The following ITGAM variants were observed in gnomAD, a reference collection of about 807,000 sequenced individuals.
ITGAM encodes the protein integrin subunit alpha M, also known as integrin alpha-M.
ITGAM carries 79 observed loss-of-function variants against 137.5 expected under a neutral mutation model. That is an observed-to-expected ratio of 0.57 (90% CI 0.48 to 0.69). The LOEUF (loss-of-function observed/expected upper bound fraction) is 0.69. Ranked by LOEUF, ITGAM falls within the 30% of genes least tolerant of loss-of-function variation. ITGAM has a pLI of 0.00. For synonymous variants in ITGAM, 583 were observed against 592.3 expected (o/e 0.98, Z 0.23); for missense variants, 1,343 against 1,483.5 (o/e 0.91, Z 1.56).
chr16:31,271,173 AC>A (rs2079835762), intron 6 of ITGAM, 89 bp downstream of exon 6: 1 of 1,137,974 alleles, frequency 8.8e-7, no homozygotes. Flanking sequence ...TCCCAGTTCA[AC>A]TGCAGACATT....
In ITGAM at chr16:31,271,920, C is replaced by G. The variant is rs747531247; in HGVS notation, c.632C>G (p.Pro211Arg). The change falls in exon 7 of 30, where the codon CCA (proline) becomes CGA (arginine). Residue 211 changes from proline (P) to arginine (R), a missense_variant. Physicochemically the swap from Pro to Arg is moderately radical, Grantham distance 103. Transcript: ENST00000544665. Reference protein sequence around the residue: ...TFKEFQNNPNPRSLVKPITQL... With the variant: ...TFKEFQNNPNRRSLVKPITQL... ...AAAGAGTTCCAGAACAACCCTAACC[C>G]AAGATCACTGGTGAAGCCAATAACG... The G allele has an allele frequency of 2.5e-6, 4 of 1,614,006 alleles. No homozygotes were observed. The highest frequency in any genetic ancestry group is 4.5e-5 in the East Asian group (2 of 44,868).
intron 14 of ITGAM, among the ~76,000 whole-genome samples, chr16:31,318,344 CTT>C (rs34125826): frequency 2.1e-4 from 28 of 131,464 alleles, no homozygotes; most frequent in Non-Finnish European, 2.4e-4. Context: ...CTTGTCAGTT[CTT>C]TTTTTTTTTT....
intron 12 of ITGAM, among the ~76,000 whole-genome samples, chr16:31,295,624 A>T (rs183517556): frequency 4.4e-4 from 66 of 150,134 alleles, no homozygotes; most frequent in Middle Eastern, 7.1e-3. Context: ...AAATATATTT[A>T]TATATATATG....
At chr16:31,313,099 T>A (rs1350571736) in intron 14 of ITGAM, among the ~76,000 whole-genome samples, 1 of 151,914 alleles carries the variant, frequency 6.6e-6, no homozygotes, top group Non-Finnish European at 1.5e-5. Context: ...GTGCCTGTAA[T>A]CCCAGCTACT....
rs2079850545 is a variant in ITGAM, at chr16:31,272,422, A to AAT, written c.704+430_704+431insAT. 3.3e-4 allele frequency among the ~76,000 whole-genome samples: 16 copies of AAT among 48,966 alleles called. 1 individual carries two copies. The highest frequency in any genetic ancestry group is 5.3e-4 in the Non-Finnish European group (14 of 26,480). The allele number at this position is 48,966 out of a possible 152,430, so 32.1% of individuals were successfully genotyped here. ...GGAGAGGTTTCCTGAAGGCCAATTA[A>AAT]CTATATATATATATATATATATATA... is the stretch of plus-strand genomic sequence containing the variant. On this transcript the variant is annotated intron_variant, in intron 7 of 29. Coordinates refer to ENST00000544665, the MANE Select transcript of ITGAM (RefSeq NM_000632.4).
intron 23 of ITGAM, 146 bp from the exon 24 acceptor site, chr16:31,329,082 C>A: frequency 1.7e-6 from 1 of 575,444 alleles, no homozygotes. Context: ...TTCCCCCATC[C>A]CCCTGCACCC....
intron 12 of ITGAM, among the ~76,000 whole-genome samples, chr16:31,293,164 T>C (rs2080103091): frequency 6.6e-6 from 1 of 152,132 alleles, no homozygotes; most frequent in African/African-American, 2.4e-5. Flanking sequence ...ACACCTTTGT[T>C]GGATGCATAG....
At chr16:31,315,294 C>G (rs2080379163) in intron 14 of ITGAM, among the ~76,000 whole-genome samples, 1 of 152,022 alleles carries the variant, frequency 6.6e-6, no homozygotes, top group African/African-American at 2.4e-5. Context: ...TGATGCAATT[C>G]CATTTGTCTG....
intron 12 of ITGAM, among the ~76,000 whole-genome samples, chr16:31,294,643 G>T (rs2080116348): frequency 2.6e-5 from 4 of 152,112 alleles, no homozygotes; most frequent in African/African-American, 9.7e-5. Context: ...CAGGTAGTGT[G>T]TTGAGGATTT....
At chr16:31,290,224 A>G (rs992269856) in intron 12 of ITGAM, among the ~76,000 whole-genome samples, 3 of 152,124 alleles carry the variant, frequency 2.0e-5, no homozygotes, top group Non-Finnish European at 4.4e-5. Context: ...CAGAAAGTAA[A>G]TTAGTGGTTT....
At chr16:31,281,453 T>C (rs1045712662) in intron 12 of ITGAM, among the ~76,000 whole-genome samples, 4 of 152,154 alleles carry the variant, frequency 2.6e-5, no homozygotes, top group South Asian at 2.1e-4. Context: ...CTTGGGAGGG[T>C]GTATGTGTCC....
rs748727848 is a variant in ITGAM, at chr16:31,329,919, G to A, written c.2976+14G>A. 1.9e-5 allele frequency: 30 copies of A among 1,554,732 alleles called. No homozygotes were observed. The Admixed American group carries it at 5.3e-4, about 27-fold the overall frequency. ...ACCTTCTCCGAGGTGAGCGGAGCTC[G>A]GCCTGACTCCTGCACGGCCCTGCGC... On this transcript the variant is annotated intron_variant, in intron 25 of 29. Transcript: ENST00000544665.
In ITGAM at chr16:31,332,013, G is replaced by A. The variant is rs2080594629; in HGVS notation, c.*306G>A. ...TGTGTGCAAGTGTGTGCATGTGTGC[G>A]AGTGTGTGCATGTGTGTGCTCAGGG... On this transcript the variant is annotated 3_prime_UTR_variant, in exon 30 of 30. Transcript: ENST00000544665. The A allele has an allele frequency of 4.7e-6, 2 of 421,362 alleles. No individual in the cohort carries two copies. Among genetic ancestry groups the A allele is most frequent in the Non-Finnish European group, 8.6e-6 (2 of 232,806 alleles). 26.1% of individuals were successfully genotyped at this position (421,362 alleles called of 1,614,324 possible). A position where few individuals can be genotyped will look rare whatever the true frequency, so the allele number is the denominator to read the frequency against.
chr16:31,327,927 T>TA, intron 22 of ITGAM: 2 of 556,010 alleles, frequency 3.6e-6, no homozygotes, highest in South Asian at 2.1e-5. Flanking sequence ...GGAGCAGGTG[T>TA]GAATTCAGGG....
At chr16:31,311,928 A>G (rs1038827011) in intron 14 of ITGAM, among the ~76,000 whole-genome samples, 2 of 152,086 alleles carry the variant, frequency 1.3e-5, no homozygotes, top group Non-Finnish European at 2.9e-5. Flanking sequence ...AGTGTGGCAC[A>G]TATACACCAT....
intron 14 of ITGAM, among the ~76,000 whole-genome samples, chr16:31,315,416 C>A (rs186875265): frequency 1.4e-4 from 21 of 151,954 alleles, no homozygotes; most frequent in Admixed American, 1.3e-4. Context: ...AGTGTTAGAT[C>A]TTACATTTAA....
intron 5 of ITGAM, among the ~76,000 whole-genome samples, chr16:31,269,650 C>G (rs1371874435): frequency 6.6e-6 from 1 of 152,116 alleles, no homozygotes; most frequent in Non-Finnish European, 1.5e-5. Flanking sequence ...AAAGCTGTGA[C>G]AGGCCTAAGG....
At position 31,260,353 on chromosome 16, in the gene ITGAM, G is replaced by C. The variant is rs968455154; in HGVS notation, c.28+261G>C. On this transcript the variant is annotated intron_variant, in intron 1 of 29. Transcript: ENST00000544665. ...CTTGCTTCACACATGAGGAGACGGAGGCCCAGGGAGGAGAAGTGACATGGC... is the reference window on the plus strand; with the variant it reads ...CTTGCTTCACACATGAGGAGACGGACGCCCAGGGAGGAGAAGTGACATGGC... Among the ~76,000 whole-genome samples the C allele has an allele frequency of 2.0e-5, 3 of 152,256 alleles. No homozygotes were observed. The East Asian group carries it at 5.8e-4, about 30-fold the overall frequency.
intron 22 of ITGAM, 196 bp from the exon 23 acceptor site, chr16:31,327,951 A>C (rs2080525577): frequency 1.7e-6 from 1 of 579,820 alleles, no homozygotes; most frequent in Non-Finnish European, 3.1e-6. Context: ...CAGTTAGAAG[A>C]AGGTGGTTGC....
Sources: allele counts gnomAD v4.1 joint callset (sites outside exome capture counted in the v4.1 genomes callset), GRCh38; gene constraint gnomAD v4.1.1; transcripts MANE v1.5; gene names NCBI Gene and HGNC (gene_info 2026-07-23, HGNC 2026-07-21).